Variants in CHD9 observed in about 807,000 individuals in gnomAD.
CHD9 encodes the protein ATP-dependent chromatin remodeler CHD9.
A neutral mutation model predicts 316.1 loss-of-function variants in CHD9; 77 were observed. The observed-to-expected ratio is 0.24, with a 90% CI of 0.20 to 0.29. The LOEUF (loss-of-function observed/expected upper bound fraction) is 0.29, where lower values mean the gene tolerates loss of function less well. Ranked by LOEUF, CHD9 falls within the 10% of genes least tolerant of loss-of-function variation. The pLI is 1.00. For synonymous variants in CHD9, 1,129 were observed against 1,158.3 expected (o/e 0.97, Z 0.51); for missense variants, 2,763 against 3,438.1 (o/e 0.80, Z 4.91).
intron 18 of CHD9, 176 bp downstream of exon 18, chr16:53,254,781 T>C (rs2050438398): frequency 4.6e-6 from 2 of 431,470 alleles, no homozygotes; most frequent in South Asian, 1.7e-4. Context: ...TCCTTTTCTT[T>C]CTGTGTAGCT....
intron 24 of CHD9, among the ~76,000 whole-genome samples, chr16:53,282,143 A>G (rs762292859): frequency 7.2e-5 from 11 of 151,990 alleles, no homozygotes; most frequent in Non-Finnish European, 1.6e-4. Context: ...CTCTTTCAGT[A>G]ATTTTCCCCC....
At chr16:53,285,992 C>T (rs1313841654) in intron 25 of CHD9, among the ~76,000 whole-genome samples, 2 of 152,080 alleles carry the variant, frequency 1.3e-5, no homozygotes, top group African/African-American at 4.8e-5. Flanking sequence ...ATCAGTTTAT[C>T]CTATTTCTCA....
At chr16:53,166,570 A>C (rs971150928) in intron 2 of CHD9, among the ~76,000 whole-genome samples, 1 of 152,176 alleles carries the variant, frequency 6.6e-6, no homozygotes, top group Non-Finnish European at 1.5e-5. Context: ...AGAGTCATCA[A>C]ATTTATTCCT....
intron 15 of CHD9, 77 bp from the exon 16 acceptor site, chr16:53,247,216 A>G: frequency 1.0e-6 from 1 of 983,986 alleles, no homozygotes; most frequent in African/African-American, 1.6e-5. Flanking sequence ...AGGAGCACTA[A>G]TTGTGATTAA....
At chr16:53,248,244 G>A (rs1221095948) in intron 16 of CHD9, 1 of 151,578 alleles carries the variant, frequency 6.6e-6, no homozygotes, top group Non-Finnish European at 1.5e-5. Context: ...GCTGAGGCGG[G>A]AGAATGGCGT....
intron 1 of CHD9, among the ~76,000 whole-genome samples, chr16:53,095,273 C>G (rs1177167471): frequency 6.6e-6 from 1 of 152,156 alleles, no homozygotes; most frequent in African/African-American, 2.4e-5. Flanking sequence ...TGGCTAGGCG[C>G]AGTGGTTCAT....
rs376197651 is a variant in CHD9 at position 53,157,083 on chromosome 16, T to C, written c.994T>C (p.Leu332=). Residue 332 remains leucine, a synonymous_variant, in exon 2 of 39, where the codon TTG becomes CTG. Transcript: ENST00000447540. ...GCATATCCTAAACCCCAATACATCA[T>C]TGAATTCAAATAATTTCCAAATATT... ...TQHILNPNTS[L]NSNNFQILHS... 2.5e-6 allele frequency: 4 copies of C among 1,612,916 alleles called. No homozygotes were observed. Among genetic ancestry groups the C allele is most frequent in the East Asian group, 4.5e-5 (2 of 44,874 alleles).
chr16:53,289,837 C>T (rs10852504), intron 27 of CHD9, among the ~76,000 whole-genome samples: 35,052 of 151,986 alleles, frequency 0.23, 4,519 homozygotes, highest in Middle Eastern at 0.32. Flanking sequence ...AAAAGCTACC[C>T]GTTGAAACTG....
Position 53,287,975 on chromosome 16 carries a change from A to G in CHD9, c.5208A>G (p.Glu1736=), listed in dbSNP as rs771288800. The change falls in exon 27 of 39, where the codon GAA becomes GAG. Residue 1736 remains glutamate (E), a synonymous_variant. Coordinates refer to ENST00000447540, the MANE Select transcript of CHD9 (RefSeq NM_001308319.2). ...DYMDGDVEDP[E]YKPAPAIFKD... is the part of the protein sequence containing the mutation. ...TTAACAGGGATGTGGAAGATCCAGA[A>G]TACAAACCTGCCCCAGCCATCTTTA... 1 of 1,611,106 alleles carries G rather than the reference A, an allele frequency of 6.2e-7. No homozygotes were observed. The highest frequency in any genetic ancestry group is 1.3e-5 in the African/African-American group (1 of 75,014).
chr16:53,189,503 T>C (rs180939333), intron 2 of CHD9, among the ~76,000 whole-genome samples: 1 of 151,840 alleles, frequency 6.6e-6, no homozygotes, highest in Non-Finnish European at 1.5e-5. Flanking sequence ...CTAAAATAAA[T>C]CCTACTTGTC....
chr16:53,211,201 A>G (rs1469857284), intron 3 of CHD9, among the ~76,000 whole-genome samples: 2 of 152,176 alleles, frequency 1.3e-5, no homozygotes, highest in African/African-American at 4.8e-5. Context: ...AAGTTACACT[A>G]ACCGTTACTT....
At chr16:53,283,827 C>T (rs1418989104) in intron 24 of CHD9, among the ~76,000 whole-genome samples, 4 of 152,000 alleles carry the variant, frequency 2.6e-5, no homozygotes, top group African/African-American at 9.7e-5. Context: ...GTGTTCATTT[C>T]GAGTGCTGAC....
intron 2 of CHD9, 23 bp from the exon 3 acceptor site, chr16:53,209,458 TA>T: frequency 6.7e-7 from 1 of 1,486,598 alleles, no homozygotes; most frequent in Non-Finnish European, 9.1e-7. Context: ...GTATATTCTA[TA>T]AAAAATATTT....
At chr16:53,199,865 G>A (rs2152844807) in intron 2 of CHD9, among the ~76,000 whole-genome samples, 1 of 152,304 alleles carries the variant, frequency 6.6e-6, no homozygotes, top group East Asian at 1.9e-4. Flanking sequence ...GAACCAACTT[G>A]AAGGAGCTGT....
chr16:53,162,931 G>A (rs2042019144), intron 2 of CHD9, among the ~76,000 whole-genome samples: 1 of 151,790 alleles, frequency 6.6e-6, no homozygotes, highest in South Asian at 2.1e-4. Context: ...CACCAAGCCT[G>A]GCTAACTTTT....
At chr16:53,086,198 G>A (rs1030965817) in intron 1 of CHD9, among the ~76,000 whole-genome samples, 8 of 152,134 alleles carry the variant, frequency 5.3e-5, no homozygotes, top group Non-Finnish European at 8.8e-5. Context: ...AGACCCAGAT[G>A]TTCAGGCAAC....
chr16:53,088,561 A>G (rs2035673359), intron 1 of CHD9, among the ~76,000 whole-genome samples: 1 of 150,936 alleles, frequency 6.6e-6, no homozygotes, highest in Non-Finnish European at 1.5e-5. Flanking sequence ...TACAGGCTTG[A>G]GCCACCGCGC....
chr16:53,156,448 A>G lies in CHD9; in HGVS notation c.359A>G (p.Asp120Gly). The G allele has an allele frequency of 6.2e-7, 1 of 1,614,020 alleles. No individual in the cohort carries two copies. Among genetic ancestry groups the G allele is most frequent in the Non-Finnish European group, 8.5e-7 (1 of 1,179,886 alleles). Residue 120 changes from aspartate to glycine, a missense_variant, in exon 2 of 39, where the codon GAT (aspartate) becomes GGT (glycine). Physicochemically the swap from Asp to Gly is moderately conservative, Grantham distance 94 (BLOSUM62 -1). Coordinates refer to ENST00000447540, the MANE Select transcript of CHD9 (RefSeq NM_001308319.2). ...QPNGLFPDVS[D>G]GSPMWGHQTA... ...AATGGTTTGTTTCCAGATGTATCAG[A>G]TGGCAGTCCAATGTGGGGCCATCAG...
At chr16:53,117,642 C>G (rs1287055866) in intron 1 of CHD9, among the ~76,000 whole-genome samples, 3 of 151,816 alleles carry the variant, frequency 2.0e-5, no homozygotes, top group African/African-American at 7.3e-5. Flanking sequence ...TCTCGAACTC[C>G]CGACCTCAGG....
Sources: allele counts gnomAD v4.1 joint callset (sites outside exome capture counted in the v4.1 genomes callset), GRCh38; gene constraint gnomAD v4.1.1; transcripts MANE v1.5; gene names NCBI Gene and HGNC (gene_info 2026-07-23, HGNC 2026-07-21).